OR52N1: variants seen among roughly 807,000 people sequenced by gnomAD.
The protein encoded by OR52N1 is olfactory receptor family 52 subfamily N member 1.
A neutral mutation model predicts 13.9 loss-of-function variants in OR52N1; 11 were observed. That is an observed-to-expected ratio of 0.79 (90% CI 0.50 to 1.31). OR52N1 has a LOEUF of 1.31. OR52N1 is among the 40% of genes most tolerant of loss of function. OR52N1 has a pLI of 0.00. For missense variants in OR52N1, 414 were observed against 397.7 expected (o/e 1.04, Z -0.35); for synonymous variants, 142 against 143.7 (o/e 0.99, Z 0.08).
In OR52N1 at chr11:5,787,865, G is replaced by A; in HGVS notation, c.952C>T (p.His318Tyr). The A allele has an allele frequency of 6.7e-7, 1 of 1,485,794 alleles. No homozygotes were observed. Among genetic ancestry groups the A allele is most frequent in the East Asian group, 2.3e-5 (1 of 42,782 alleles). The allele number at this position is 1,485,794 out of a possible 1,614,324, so 92.0% of individuals were successfully genotyped here. A position where few individuals can be genotyped will look rare whatever the true frequency, so the allele number is the denominator to read the frequency against. The change falls in exon 2 of 2, where the codon CAT becomes TAT. Residue 318 changes from histidine (H) to tyrosine (Y), a missense_variant. Transcript: ENST00000641645. ...CATCTCAGAAGACTTTAAAAGTTAT[G>A]AGAATTGTCCTTTCCCTTAAGAAAG... ...RFFLKGKDNS[H>Y]NF is the part of the protein sequence containing the mutation.
rs866370287 is a variant in OR52N1 at position 5,788,155 on chromosome 11, G to A, written c.662C>T (p.Thr221Ile). Residue 221 changes from threonine to isoleucine, a missense_variant, in exon 2 of 2, where the codon ACT becomes ATT. Physicochemically the swap from Thr to Ile is moderately conservative, Grantham distance 89 (BLOSUM62 -1). Transcript: ENST00000641645. ...FDILCITISY[T>I]MILQAVVSLS... ...ACTCACAACTGCTTGAAGAATCATA[G>A]TGTAGGAGATTGTAATGCACAGGAT... is the stretch of plus-strand genomic sequence containing the variant. The A allele has an allele frequency of 6.2e-7, 1 of 1,614,006 alleles. No individual in the cohort carries two copies. The highest frequency in any genetic ancestry group is 1.7e-5 in the Admixed American group (1 of 59,982).
chr11:5,789,990 G>A (rs1854638329), intron 1 of OR52N1, among the ~76,000 whole-genome samples: 1 of 152,078 alleles, frequency 6.6e-6, no homozygotes, highest in Non-Finnish European at 1.5e-5. Flanking sequence ...GCCGGAATGT[G>A]TTGATTAAAA....
intron 1 of OR52N1, 95 bp downstream of exon 1, chr11:5,791,016 C>T (rs986885765): frequency 3.3e-5 from 5 of 152,068 alleles, no homozygotes; most frequent in African/African-American, 1.2e-4. Context: ...AACAAACCTC[C>T]ATGACACATA....
Position 5,787,763 on chromosome 11 carries a change from CT to C in OR52N1, c.*90del. 1 of 1,104,738 alleles carries C rather than the reference CT, an allele frequency of 9.1e-7. No individual in the cohort carries two copies. The highest frequency in any genetic ancestry group is 1.3e-6 in the Non-Finnish European group (1 of 785,774). 68.4% of individuals were successfully genotyped at this position (1,104,738 alleles called of 1,614,324 possible). On this transcript the variant is annotated 3_prime_UTR_variant, in exon 2 of 2. Transcript: ENST00000641645. ...TAATCCGAGTATCATAAAAATATTCCTGTGGCCAGATTTCTGGTGTCATTTA... is the reference window on the plus strand; with the variant it reads ...TAATCCGAGTATCATAAAAATATTCCGTGGCCAGATTTCTGGTGTCATTTA...
Position 5,788,362 on chromosome 11 carries a change from A to G in OR52N1, c.455T>C (p.Leu152Pro), listed in dbSNP as rs1590355435. Residue 152 changes from leucine (L) to proline (P), a missense_variant, in exon 2 of 2, where the codon CTT becomes CCT. Physicochemically the swap from Leu to Pro is moderately conservative, Grantham distance 98. Transcript: ENST00000641645. ...VIAKAGFLTF[L>P]RGVMLVIPST... Reference sequence around the variant, plus strand: ...AGGGATAACAAGCATCACACCCCTAAGAAAAGTGAGGAACCCAGCTTTAGC... The same window carrying G: ...AGGGATAACAAGCATCACACCCCTAGGAAAAGTGAGGAACCCAGCTTTAGC... 6.2e-7 allele frequency: 1 copy of G among 1,614,006 alleles called. No individual in the cohort carries two copies. The highest frequency in any genetic ancestry group is 2.2e-5 in the East Asian group (1 of 44,822).
Position 5,788,632 on chromosome 11 carries a change from T to A in OR52N1, c.185A>T (p.Tyr62Phe), listed in dbSNP as rs997419773. Residue 62 changes from tyrosine to phenylalanine, a missense_variant, in exon 2 of 2, where the codon TAT (tyrosine) becomes TTT (phenylalanine). Physicochemically the swap from Tyr to Phe is conservative, Grantham distance 22. Coordinates refer to ENST00000641645, the MANE Select transcript of OR52N1 (RefSeq NM_001001913.2). Reference protein sequence around the residue: ...YCDEALHRPMYVFLALLSFTD... With the variant: ...YCDEALHRPMFVFLALLSFTD... The stretch of plus-strand genomic sequence containing the variant: ...GAAGGAAAGAAGGGCAAGGAAGACA[T>A]ACATAGGTCTGTGTAAGGCCTCATC... The A allele has an allele frequency of 6.2e-7, 1 of 1,613,894 alleles. No homozygotes were observed. The highest frequency in any genetic ancestry group is 8.5e-7 in the Non-Finnish European group (1 of 1,179,974).
Position 5,788,624 on chromosome 11 carries a change from G to A in OR52N1, c.193C>T (p.Leu65Phe). 6.2e-7 allele frequency: 1 copy of A among 1,614,022 alleles called. No homozygotes were observed. The highest frequency in any genetic ancestry group is 8.5e-7 in the Non-Finnish European group (1 of 1,179,970). Residue 65 changes from leucine to phenylalanine, a missense_variant, in exon 2 of 2, where the codon CTT becomes TTT. Leu to Phe is a conservative substitution (Grantham distance 22). Transcript: ENST00000641645. ...EALHRPMYVF[L>F]ALLSFTDVLM... ...ACATCTGTGAAGGAAAGAAGGGCAA[G>A]GAAGACATACATAGGTCTGTGTAAG...
chr11:5,787,708 C>T lies in OR52N1; in HGVS notation c.*146G>A. ...AAGAGAGGGTATTTACCTATTTGAA[C>T]ATGATGGTACCCTTTCCAAAGATGT... is the stretch of plus-strand genomic sequence containing the variant. On this transcript the variant is annotated 3_prime_UTR_variant, in exon 2 of 2. Transcript: ENST00000641645. 1.4e-6 allele frequency: 1 copy of T among 729,586 alleles called. No individual in the cohort carries two copies. The highest frequency in any genetic ancestry group is 2.2e-6 in the Non-Finnish European group (1 of 462,864). The allele number at this position is 729,586 out of a possible 1,614,324, so 45.2% of individuals were successfully genotyped here. A position where few individuals can be genotyped will look rare whatever the true frequency, so the allele number is the denominator to read the frequency against.
At position 5,788,762 on chromosome 11, in the gene OR52N1, T is replaced by C. The variant is rs1170731930; in HGVS notation, c.55A>G (p.Ile19Val). The C allele has an allele frequency of 1.2e-6, 2 of 1,611,016 alleles. No homozygotes were observed. The highest frequency in any genetic ancestry group is 2.2e-5 in the South Asian group (2 of 91,056). The change falls in exon 2 of 2, where the codon ATC (isoleucine) becomes GTC (valine). Residue 19 changes from isoleucine to valine, a missense_variant. By Grantham distance (29) the Ile-to-Val change is conservative (BLOSUM62 3). Coordinates refer to ENST00000641645, the MANE Select transcript of OR52N1 (RefSeq NM_001001913.2). ...LTPASFILNGIPGLEDVHLWI... is the reference protein window; with the variant it reads ...LTPASFILNGVPGLEDVHLWI... Reference sequence around the variant, plus strand: ...AAATGCACATCTTCCAAACCAGGGATGCCATTTAGGATGAATGAAGCTGGA... The same window carrying C: ...AAATGCACATCTTCCAAACCAGGGACGCCATTTAGGATGAATGAAGCTGGA...
Position 5,788,850 on chromosome 11 carries a change from T to G in OR52N1, c.-34A>C. 1 of 1,547,654 alleles carries G rather than the reference T, an allele frequency of 6.5e-7. No individual in the cohort carries two copies. The highest frequency in any genetic ancestry group is 2.3e-5 in the East Asian group (1 of 43,888). ...TTGGAAGTTCATTGTATAGCAGTTA[T>G]AGCATTGCCTCTGTGAGCAGGAAAT... On this transcript the variant is annotated 5_prime_UTR_variant, in exon 2 of 2. Transcript: ENST00000641645.
Position 5,788,492 on chromosome 11 carries a change from A to C in OR52N1, c.325T>G (p.Phe109Val), listed in dbSNP as rs1342041316. 1 of 1,614,014 alleles carries C rather than the reference A, an allele frequency of 6.2e-7. No individual in the cohort carries two copies. Among genetic ancestry groups the C allele is most frequent in the African/African-American group, 1.3e-5 (1 of 75,042 alleles). ...AGCACCCCAGACTCCATCCCTGTGA[A>C]GGTGTGCACAAAGAACATCTGGGCG... ...CLAQMFFVHTFTGMESGVLML... is the reference protein window; with the variant it reads ...CLAQMFFVHTVTGMESGVLML... The change falls in exon 2 of 2, where the codon TTC becomes GTC. Residue 109 changes from phenylalanine to valine, a missense_variant. By Grantham distance (50) the Phe-to-Val change is conservative (BLOSUM62 -1). Coordinates refer to ENST00000641645, the MANE Select transcript of OR52N1 (RefSeq NM_001001913.2).
chr11:5,788,633 A>G lies in OR52N1; in HGVS notation c.184T>C (p.Tyr62His), dbSNP rs1386866446. 1 of 1,613,956 alleles carries G rather than the reference A, an allele frequency of 6.2e-7. No homozygotes were observed. The change falls in exon 2 of 2, where the codon TAT becomes CAT. Residue 62 changes from tyrosine (Y) to histidine (H), a missense_variant. Coordinates refer to ENST00000641645, the MANE Select transcript of OR52N1 (RefSeq NM_001001913.2). ...YCDEALHRPM[Y>H]VFLALLSFTD... ...AAGGAAAGAAGGGCAAGGAAGACAT[A>G]CATAGGTCTGTGTAAGGCCTCATCA...
In OR52N1 at chr11:5,787,071, C is replaced by G. The variant is rs1455516058; in HGVS notation, c.*783G>C. ...TGAAATATCACTAAGTTGATACACC[C>G]TGCAACTACCATCCAGGTCAAGAAC... On this transcript the variant is annotated 3_prime_UTR_variant, in exon 2 of 2. Coordinates refer to ENST00000641645, the MANE Select transcript of OR52N1 (RefSeq NM_001001913.2). The G allele has an allele frequency of 2.1e-5, 3 of 139,550 alleles. No individual in the cohort carries two copies. Among genetic ancestry groups the G allele is most frequent in the Non-Finnish European group, 4.7e-5 (3 of 63,242 alleles). The allele number at this position is 139,550 out of a possible 1,614,324, so 8.6% of individuals were successfully genotyped here.
In OR52N1 at chr11:5,787,910, G is replaced by T. The variant is rs749029361; in HGVS notation, c.907C>A (p.Arg303=). The T allele has an allele frequency of 1.7e-5, 26 of 1,513,298 alleles. 7 individuals carry two copies. Among genetic ancestry groups the T allele is most frequent in the Admixed American group, 5.5e-5 (3 of 54,814 alleles). The allele number at this position is 1,513,298 out of a possible 1,614,324, so 93.7% of individuals were successfully genotyped here. ...AGAAAGAACCTAATGACACTTTCTC[G>T]TACCTGCCTGGTTTTCACCCCATAC... ...IVYGVKTRQV[R]ESVIRFFLKG... is the part of the protein sequence containing the mutation. Residue 303 remains arginine (R), a synonymous_variant, in exon 2 of 2, where the codon CGA becomes AGA. Transcript: ENST00000641645.
intron 1 of OR52N1, among the ~76,000 whole-genome samples, chr11:5,789,312 A>G (rs1179303096): frequency 6.6e-6 from 1 of 152,168 alleles, no homozygotes; most frequent in African/African-American, 2.4e-5. Context: ...TTTTAGCCCA[A>G]ACTCCACCCT....
chr11:5,788,146 A>G lies in OR52N1; in HGVS notation c.671T>C (p.Leu224Pro). The change falls in exon 2 of 2, where the codon CTT (leucine) becomes CCT (proline). Residue 224 changes from leucine (L) to proline (P), a missense_variant. Leu to Pro is a moderately conservative substitution (Grantham distance 98, BLOSUM62 -3). Coordinates refer to ENST00000641645, the MANE Select transcript of OR52N1 (RefSeq NM_001001913.2). ...LCITISYTMILQAVVSLSSAD... is the reference protein window; with the variant it reads ...LCITISYTMIPQAVVSLSSAD... ...TGATGATAGACTCACAACTGCTTGAAGAATCATAGTGTAGGAGATTGTAAT... is the reference window on the plus strand; with the variant it reads ...TGATGATAGACTCACAACTGCTTGAGGAATCATAGTGTAGGAGATTGTAAT... 3 of 1,614,082 alleles carry G rather than the reference A, an allele frequency of 1.9e-6. No homozygotes were observed. Among genetic ancestry groups the G allele is most frequent in the Non-Finnish European group, 2.5e-6 (3 of 1,179,988 alleles).
Position 5,788,941 on chromosome 11 carries a change from T to G in OR52N1, c.-44-81A>C, listed in dbSNP as rs1854628635. ...TTCTTTCCCATAATGGCTATTTTGT[T>G]TTCCTTGTAGATCAATGACTATATT... On this transcript the variant is annotated intron_variant, in intron 1 of 1. Coordinates refer to ENST00000641645, the MANE Select transcript of OR52N1 (RefSeq NM_001001913.2). The G allele has an allele frequency of 3.8e-6, 4 of 1,054,704 alleles. No homozygotes were observed. In the Admixed American group the frequency reaches 9.8e-5, roughly 26 times the overall value. The allele number at this position is 1,054,704 out of a possible 1,614,324, so 65.3% of individuals were successfully genotyped here. A position where few individuals can be genotyped will look rare whatever the true frequency, so the allele number is the denominator to read the frequency against.
At chr11:5,789,309 C>G (rs1051472725) in intron 1 of OR52N1, among the ~76,000 whole-genome samples, 2 of 152,016 alleles carry the variant, frequency 1.3e-5, no homozygotes, top group Non-Finnish European at 2.9e-5. Context: ...TAGTTTTAGC[C>G]CAAACTCCAC....
chr11:5,789,795 C>T (rs778716749), intron 1 of OR52N1, among the ~76,000 whole-genome samples: 1 of 151,988 alleles, frequency 6.6e-6, no homozygotes, highest in Non-Finnish European at 1.5e-5. Context: ...ATGTTCAATA[C>T]GTTTTTCAAG....
Sources: gnomAD v4.1 joint callset for allele counts (sites outside exome capture counted in the v4.1 genomes callset) on GRCh38, gnomAD v4.1.1 for gene constraint, MANE v1.5 for transcripts, NCBI Gene and HGNC (gene_info 2026-07-23, HGNC 2026-07-21) for gene names.